Variants in DUS1L observed in about 807,000 individuals in gnomAD.
The protein encoded by DUS1L is dihydrouridine synthase 1 like, also known as tRNA-dihydrouridine(16/17) synthase [NAD(P)(+)]-like.
DUS1L carries 56 observed loss-of-function variants against 61.2 expected under a neutral mutation model. That is an observed-to-expected ratio of 0.92 (90% CI 0.74 to 1.14). DUS1L has a LOEUF of 1.14. Among genes scored for constraint, DUS1L ranks in the 50% most tolerant of loss-of-function variants. The pLI is 0.00. For synonymous variants in DUS1L, 278 were observed against 259.5 expected (o/e 1.07, Z -0.69); for missense variants, 630 against 632.4 (o/e 1.00, Z 0.04).
intron 5 of DUS1L, among the ~76,000 whole-genome samples, chr17:82,062,246 C>T (rs2033543727): frequency 6.6e-6 from 1 of 152,194 alleles, no homozygotes; most frequent in Non-Finnish European, 1.5e-5. Flanking sequence ...CTGCCCAGGC[C>T]CATGCAAGAG....
chr17:82,058,882 C>T, intron 11 of DUS1L, 64 bp from the exon 12 acceptor site: 11 of 1,452,756 alleles, frequency 7.6e-6, no homozygotes, highest in Non-Finnish European at 1.1e-5. Flanking sequence ...TGGGGGCTGC[C>T]CCGTCCGCCT....
Position 82,064,172 on chromosome 17 carries a change from G to A in DUS1L, c.300C>T (p.Asp100=), listed in dbSNP as rs766302364. Residue 100 remains aspartate, a synonymous_variant, in exon 3 of 14, where the codon GAC becomes GAT. Transcript: ENST00000306796. ...QAALLAQDYC[D]AIDLNLGCPQ... Reference sequence around the variant, plus strand: ...GGCAGCCCAAGTTCAGGTCAATGGCGTCACAGTAATCCTGAGCCAGGAGAG... The same window carrying A: ...GGCAGCCCAAGTTCAGGTCAATGGCATCACAGTAATCCTGAGCCAGGAGAG... The A allele has an allele frequency of 1.6e-5, 25 of 1,612,746 alleles. No homozygotes were observed. The highest frequency in any genetic ancestry group is 9.3e-5 in the African/African-American group (7 of 74,924).
chr17:82,064,279 G>C (rs1293444123), intron 2 of DUS1L, 45 bp from the exon 3 acceptor site: 2 of 1,544,262 alleles, frequency 1.3e-6, no homozygotes, highest in Middle Eastern at 1.7e-4. Context: ...CCAGGCCCTA[G>C]TCCCTTGCTG....
intron 13 of DUS1L, 25 bp downstream of exon 13, chr17:82,058,316 C>T (rs201246098): frequency 1.3e-4 from 203 of 1,518,352 alleles, no homozygotes; most frequent in African/African-American, 1.1e-3. Context: ...TTGCCTGCTG[C>T]GGGGCGGGTG....
rs775376635 is a variant in DUS1L at position 82,058,835 on chromosome 17, A to G, written c.1169-17T>C. 10 of 1,609,046 alleles carry G rather than the reference A, an allele frequency of 6.2e-6. No homozygotes were observed. The Admixed American group carries it at 6.7e-5, about 11-fold the overall frequency. ...CATATTTTGCTAGGAAAAGAACAAA[A>G]GGGTGCTGGTGAGTGAGGGCCAGGG... On this transcript the variant is annotated splice_polypyrimidine_tract_variant and intron_variant, in intron 11 of 13. Coordinates refer to ENST00000306796, the MANE Select transcript of DUS1L (RefSeq NM_022156.5).
At chr17:82,058,962 G>A (rs1287797393) in intron 11 of DUS1L, 144 bp from the exon 12 acceptor site, 1 of 756,962 alleles carries the variant, frequency 1.3e-6, no homozygotes, top group South Asian at 1.5e-5. Context: ...GGAGGGCAGA[G>A]GATGCAGGCT....
In DUS1L at chr17:82,060,861, C is replaced by A. The variant is rs1247827443; in HGVS notation, c.939+4G>T. The A allele has an allele frequency of 6.2e-7, 1 of 1,612,178 alleles. No homozygotes were observed. Among genetic ancestry groups the A allele is most frequent in the African/African-American group, 1.3e-5 (1 of 75,042 alleles). ...GCCGGGCTCCCACCAGCCCCAGCACCTGCCTGACACCGCAGCTTCAGCTCC... is the reference window on the plus strand; with the variant it reads ...GCCGGGCTCCCACCAGCCCCAGCACATGCCTGACACCGCAGCTTCAGCTCC... On this transcript the variant is annotated splice_donor_region_variant and intron_variant, in intron 9 of 13. Transcript: ENST00000306796.
intron 2 of DUS1L, 32 bp downstream of exon 2, chr17:82,064,791 C>A (rs917049205): frequency 2.5e-6 from 4 of 1,578,016 alleles, no homozygotes; most frequent in East Asian, 2.2e-5. Context: ...GGGAACCCAA[C>A]CGCGGCCGCG....
chr17:82,063,995 C>A (rs2033639903), intron 3 of DUS1L, 131 bp downstream of exon 3: 1 of 770,520 alleles, frequency 1.3e-6, no homozygotes, highest in Non-Finnish European at 2.1e-6. Flanking sequence ...CAGAGGACAG[C>A]TGGCTCCAGC....
intron 12 of DUS1L, 68 bp from the exon 13 acceptor site, chr17:82,058,484 A>G (rs2033197105): frequency 2.0e-6 from 3 of 1,468,216 alleles, no homozygotes; most frequent in Non-Finnish European, 2.7e-6. Flanking sequence ...CCAGCAGGGG[A>G]GCAGCCCCAC....
intron 11 of DUS1L, 95 bp from the exon 12 acceptor site, chr17:82,058,913 G>T: frequency 8.4e-7 from 1 of 1,185,862 alleles, no homozygotes; most frequent in Non-Finnish European, 1.3e-6. Flanking sequence ...TGCTGATGGC[G>T]TCCATGCCAG....
Position 82,058,335 on chromosome 17 carries a change from C to A in DUS1L, c.1282+6G>T. On this transcript the variant is annotated splice_donor_region_variant and intron_variant, in intron 13 of 13. Transcript: ENST00000306796. ...CTGCTGCGGGGCGGGTGGTAGGCGCCCTCACCTGGGCAGTCTGCAGTCTCT... is the reference window on the plus strand; with the variant it reads ...CTGCTGCGGGGCGGGTGGTAGGCGCACTCACCTGGGCAGTCTGCAGTCTCT... 1 of 1,512,944 alleles carries A rather than the reference C, an allele frequency of 6.6e-7. No individual in the cohort carries two copies. Among genetic ancestry groups the A allele is most frequent in the South Asian group, 1.3e-5 (1 of 76,410 alleles). The allele number at this position is 1,512,944 out of a possible 1,614,324, so 93.7% of individuals were successfully genotyped here. A position where few individuals can be genotyped will look rare whatever the true frequency, so the allele number is the denominator to read the frequency against.
chr17:82,061,509 C>G, intron 7 of DUS1L, 109 bp downstream of exon 7: 1 of 1,428,356 alleles, frequency 7.0e-7, no homozygotes, highest in South Asian at 1.2e-5. Flanking sequence ...TGAACACCAT[C>G]TGTGAACAGC....
At chr17:82,059,095 T>C (rs2033283958) in intron 11 of DUS1L, 1 of 501,238 alleles carries the variant, frequency 2.0e-6, no homozygotes, top group African/African-American at 1.9e-5. Flanking sequence ...GCCTTATCTG[T>C]CCTACCCCCA....
rs1256335076 is a variant in DUS1L at position 82,065,043 on chromosome 17, C to G, written c.17G>C (p.Gly6Ala). 1.3e-6 allele frequency: 2 copies of G among 1,600,006 alleles called. No individual in the cohort carries two copies. The highest frequency in any genetic ancestry group is 2.7e-5 in the African/African-American group (2 of 74,574). The change falls in exon 2 of 14, where the codon GGC becomes GCC. Residue 6 changes from glycine to alanine, a missense_variant. Coordinates refer to ENST00000306796, the MANE Select transcript of DUS1L (RefSeq NM_022156.5). ...CAGGGTGCGGCTCCAGAACTCGAAG[C>G]CCTGCAGCTTTGGCATCGTCTCCAG... is the stretch of plus-strand genomic sequence containing the variant. MPKLQ[G>A]FEFWSRTLRG...
rs778456630 is a variant in DUS1L at position 82,061,325 on chromosome 17, G to A, written c.726C>T (p.Phe242=). The part of the protein sequence containing the change: ...AEGNLHNPAL[F]EGRSPAVWEL... The stretch of plus-strand genomic sequence containing the variant: ...CCCACACGGCAGGGCTCCGGCCCTC[G>A]AACAGGGCGGGGTTGTGCAGGTTGC... Residue 242 remains phenylalanine (F), a synonymous_variant, in exon 8 of 14, where the codon TTC becomes TTT. Transcript: ENST00000306796. 5.0e-6 allele frequency: 8 copies of A among 1,606,800 alleles called. No homozygotes were observed. The highest frequency in any genetic ancestry group is 5.1e-6 in the Non-Finnish European group (6 of 1,176,422).
rs769884511 is a variant in DUS1L at position 82,061,251 on chromosome 17, A to G, written c.800T>C (p.Leu267Pro). 9 of 1,608,756 alleles carry G rather than the reference A, an allele frequency of 5.6e-6. No homozygotes were observed. The East Asian group carries it at 1.8e-4, about 32-fold the overall frequency. The change falls in exon 8 of 14, where the codon CTG becomes CCG. Residue 267 changes from leucine to proline, a missense_variant. By Grantham distance (98) the Leu-to-Pro change is moderately conservative. Coordinates refer to ENST00000306796, the MANE Select transcript of DUS1L (RefSeq NM_022156.5). ...LDIVREHPCP[L>P]SYVRAHLFKL... is the part of the protein sequence containing the mutation. ...GAAGAGGTGGGCCCGGACGTAGGAC[A>G]GGGGGCAGGGGTGCTCCCGCACGAT...
intron 12 of DUS1L, 100 bp from the exon 13 acceptor site, chr17:82,058,516 C>G (rs757142360): frequency 6.8e-7 from 1 of 1,469,196 alleles, no homozygotes; most frequent in South Asian, 1.4e-5. Flanking sequence ...CTGCCAGATG[C>G]CCACGGCCTG....
At position 82,064,878 on chromosome 17, in the gene DUS1L, C is replaced by G. The variant is rs756635689; in HGVS notation, c.182G>C (p.Arg61Pro). 3 of 1,612,552 alleles carry G rather than the reference C, an allele frequency of 1.9e-6. No homozygotes were observed. The highest frequency in any genetic ancestry group is 2.5e-6 in the Non-Finnish European group (3 of 1,179,874). The change falls in exon 2 of 14, where the codon CGG becomes CCG. Residue 61 changes from arginine (R) to proline (P), a missense_variant. Coordinates refer to ENST00000306796, the MANE Select transcript of DUS1L (RefSeq NM_022156.5). ...CACCTCGCAGTACAGGTTCTCCTTC[C>G]GGTAGTTGGCGTCGCGGACAAAGAC... ...AQVFVRDANY[R>P]KENLYCEVCP...
Sources: gnomAD v4.1 joint callset for allele counts (sites outside exome capture counted in the v4.1 genomes callset) on GRCh38, gnomAD v4.1.1 for gene constraint, MANE v1.5 for transcripts, NCBI Gene and HGNC (gene_info 2026-07-23, HGNC 2026-07-21) for gene names.